ANKRD44: variants seen among roughly 807,000 people sequenced by gnomAD.
ANKRD44 encodes serine/threonine-protein phosphatase 6 regulatory ankyrin repeat subunit B.
ANKRD44 carries 35 observed loss-of-function variants against 116.0 expected under a neutral mutation model. The observed-to-expected ratio is 0.30, with a 90% CI of 0.23 to 0.40. The LOEUF (loss-of-function observed/expected upper bound fraction) is 0.40. Ranked by LOEUF, ANKRD44 falls within the 10% of genes least tolerant of loss-of-function variation. The probability of loss-of-function intolerance (pLI) is 1.00; values close to 1 mark genes in which losing one functional copy is unlikely to be tolerated. For missense variants in ANKRD44, 1,014 were observed against 1,242.6 expected (o/e 0.82, Z 2.77); for synonymous variants, 435 against 461.8 (o/e 0.94, Z 0.74).
chr2:197,231,145 G>C (rs933645533), intron 1 of ANKRD44, among the ~76,000 whole-genome samples: 1 of 152,172 alleles, frequency 6.6e-6, no homozygotes, highest in Non-Finnish European at 1.5e-5. Flanking sequence ...TCTGAGGGCT[G>C]GGCGTGATGG....
intron 17 of ANKRD44, among the ~76,000 whole-genome samples, chr2:197,016,485 A>G (rs2076395619): frequency 6.6e-6 from 1 of 152,204 alleles, no homozygotes; most frequent in African/African-American, 2.4e-5. Context: ...AACAATAAAG[A>G]AGATCACTAT....
chr2:197,222,261 G>T (rs944160880), intron 1 of ANKRD44, among the ~76,000 whole-genome samples: 4 of 152,132 alleles, frequency 2.6e-5, no homozygotes, highest in African/African-American at 9.7e-5. Context: ...GCAGACTCAA[G>T]AAGAGGAGGA....
intron 1 of ANKRD44, among the ~76,000 whole-genome samples, chr2:197,288,304 G>A (rs1478311644): frequency 6.6e-6 from 1 of 152,132 alleles, no homozygotes; most frequent in Non-Finnish European, 1.5e-5. Context: ...GAAACTTCAT[G>A]GGCGGTATAT....
intron 8 of ANKRD44, among the ~76,000 whole-genome samples, chr2:197,115,135 C>A (rs964312793): frequency 6.6e-6 from 1 of 152,142 alleles, no homozygotes; most frequent in Non-Finnish European, 1.5e-5. Flanking sequence ...GATCTAAGAG[C>A]CTGCAGACAG....
chr2:197,187,644 TTCTCTCTCTC>T (rs55952976), intron 1 of ANKRD44, among the ~76,000 whole-genome samples: 239 of 134,736 alleles, frequency 1.8e-3, no homozygotes, highest in African/African-American at 4.6e-3. Flanking sequence ...CACGTTCTCA[TTCTCTCTCTC>T]TCTCTCTCTC....
intron 1 of ANKRD44, among the ~76,000 whole-genome samples, chr2:197,299,008 C>A (rs1287809560): frequency 6.6e-6 from 1 of 152,160 alleles, no homozygotes; most frequent in Non-Finnish European, 1.5e-5. Context: ...CCACAATATC[C>A]TATTCACACT....
In ANKRD44 at chr2:197,035,366, A is replaced by G. The variant is rs534372835; in HGVS notation, c.1651-10099T>C. On this transcript the variant is annotated intron_variant, in intron 16 of 27. Coordinates refer to ENST00000282272, the MANE Select transcript of ANKRD44 (RefSeq NM_001195144.2). The stretch of plus-strand genomic sequence containing the variant: ...AGTTTTAAAATTTAAGAAAATAGAA[A>G]GTGAGTATGACTCAGGCTGCCAAAA... Among the ~76,000 whole-genome samples the G allele has an allele frequency of 2.0e-5, 3 of 152,282 alleles. No individual in the cohort carries two copies. The East Asian group carries it at 5.8e-4, about 29-fold the overall frequency.
rs181323995 is a variant in ANKRD44, at chr2:197,193,154, A to T, written c.28-6048T>A. ...TTCCCAATGAAAATAACACATGGGT[A>T]CTGACTATGAAATAGTTACTCAAGG... is the stretch of plus-strand genomic sequence containing the variant. On this transcript the variant is annotated intron_variant, in intron 1 of 27. Coordinates refer to ENST00000282272, the MANE Select transcript of ANKRD44 (RefSeq NM_001195144.2). 4.9e-4 allele frequency among the ~76,000 whole-genome samples: 75 copies of T among 152,362 alleles called. 4 individuals are homozygous for T. In the East Asian group the frequency reaches 0.014, roughly 28 times the overall value.
intron 1 of ANKRD44, among the ~76,000 whole-genome samples, chr2:197,231,238 C>T (rs2081853963): frequency 6.6e-6 from 1 of 152,068 alleles, no homozygotes; most frequent in Non-Finnish European, 1.5e-5. Flanking sequence ...GCCTGGGCAA[C>T]ATAGCAAGAC....
At chr2:196,975,809 AAAAGAAAG>A (rs139764360) in intron 21 of ANKRD44, among the ~76,000 whole-genome samples, 19,702 of 136,298 alleles carry the variant, frequency 0.14, 1,426 homozygotes, top group Middle Eastern at 0.17. Context: ...AGAAAAAGAA[AAAAGAAAG>A]AAAGAAAGAA....
chr2:197,254,133 C>T (rs1010157934), intron 1 of ANKRD44, among the ~76,000 whole-genome samples: 3 of 152,174 alleles, frequency 2.0e-5, no homozygotes, highest in African/African-American at 7.2e-5. Context: ...TGGCTCACGC[C>T]TATAATCCCA....
chr2:197,001,075 T>C (rs1405903130), intron 22 of ANKRD44, among the ~76,000 whole-genome samples: 1 of 152,182 alleles, frequency 6.6e-6, no homozygotes, highest in African/African-American at 2.4e-5. Flanking sequence ...TCTTTCTGAC[T>C]CTTTTTTACT....
intron 3 of ANKRD44, among the ~76,000 whole-genome samples, chr2:197,142,286 GT>G (rs2079386211): frequency 6.6e-6 from 1 of 152,222 alleles, no homozygotes; most frequent in South Asian, 2.1e-4. Flanking sequence ...CGGAAGTGGT[GT>G]GATAAGGGTG....
chr2:197,272,515 C>T (rs750036691), intron 1 of ANKRD44, among the ~76,000 whole-genome samples: 9 of 152,324 alleles, frequency 5.9e-5, no homozygotes, highest in South Asian at 2.1e-4. Context: ...GGATTACAGG[C>T]GTGAGCCAAT....
chr2:197,287,736 C>T (rs1042248750), intron 1 of ANKRD44, among the ~76,000 whole-genome samples: 2 of 151,990 alleles, frequency 1.3e-5, no homozygotes, highest in African/African-American at 4.8e-5. Flanking sequence ...AAAGTAGACA[C>T]GCGCTGGGTA....
intron 2 of ANKRD44, among the ~76,000 whole-genome samples, chr2:197,153,248 G>GAAGAAACA (rs1474048723): frequency 1.1e-3 from 54 of 49,092 alleles, no homozygotes; most frequent in African/African-American, 2.8e-3. Flanking sequence ...AAAAAAAAAA[G>GAAGAAACA]AAGAAACAAG....
intron 2 of ANKRD44, among the ~76,000 whole-genome samples, chr2:197,159,299 AT>A (rs1263361082): frequency 6.6e-6 from 1 of 152,238 alleles, no homozygotes; most frequent in Non-Finnish European, 1.5e-5. Flanking sequence ...CACAATAAAA[AT>A]CAACAATGCA....
intron 10 of ANKRD44, among the ~76,000 whole-genome samples, chr2:197,091,426 C>T (rs1335123737): frequency 6.6e-6 from 1 of 152,236 alleles, no homozygotes; most frequent in Non-Finnish European, 1.5e-5. Flanking sequence ...AATCACAGTA[C>T]ACTGCAGCTT....
chr2:197,053,181 AC>A (rs2077142600), intron 16 of ANKRD44, among the ~76,000 whole-genome samples: 2 of 152,200 alleles, frequency 1.3e-5, no homozygotes, highest in Admixed American at 1.3e-4. Flanking sequence ...AAAAAACAAA[AC>A]AAAAAAAGAA....
Sources: gnomAD v4.1 joint callset for allele counts (sites outside exome capture counted in the v4.1 genomes callset) on GRCh38, gnomAD v4.1.1 for gene constraint, MANE v1.5 for transcripts, NCBI Gene and HGNC (gene_info 2026-07-23, HGNC 2026-07-21) for gene names.